Variants in IPCEF1 observed in about 807,000 individuals in gnomAD.
IPCEF1 encodes the protein interactor protein for cytohesin exchange factors 1.
Under a neutral mutation model 50.9 loss-of-function variants are expected in IPCEF1, and 31 were observed. The observed-to-expected ratio is 0.61, with a 90% CI of 0.46 to 0.82. The LOEUF (loss-of-function observed/expected upper bound fraction) is 0.82, where lower values mean the gene tolerates loss of function less well. Ranked by LOEUF, IPCEF1 falls within the 40% of genes least tolerant of loss-of-function variation. The probability of loss-of-function intolerance (pLI) is 0.00; values close to 1 mark genes in which losing one functional copy is unlikely to be tolerated. For synonymous variants in IPCEF1, 181 were observed against 192.0 expected (o/e 0.94, Z 0.47); for missense variants, 458 against 514.0 (o/e 0.89, Z 1.05).
At chr6:154,253,032 T>C (rs982151649) in intron 3 of IPCEF1, among the ~76,000 whole-genome samples, 45 of 152,238 alleles carry the variant, frequency 3.0e-4, no homozygotes, top group Admixed American at 9.8e-4. Context: ...TTCTAACTCA[T>C]TGATCATCCA....
In IPCEF1 at chr6:154,247,460, C is replaced by T. The variant is rs1781151457; in HGVS notation, c.65G>A (p.Arg22Lys). ...LQVPLRQKPR[R>K]KTQGFLTMSR... ...AGAGATCTAATTACCTTGAGTTTTC[C>T]TCCTGGGCTTCTGACGCAAGGGAAC... Residue 22 changes from arginine (R) to lysine (K), a missense_variant, in exon 4 of 12, where the codon AGG (arginine) becomes AAG (lysine). By Grantham distance (26) the Arg-to-Lys change is conservative (BLOSUM62 2). Transcript: ENST00000367220. 4 of 1,612,318 alleles carry T rather than the reference C, an allele frequency of 2.5e-6. No homozygotes were observed. In the South Asian group the frequency reaches 3.3e-5, roughly 13 times the overall value.
chr6:154,332,350 T>C (rs144393681), intron 1 of IPCEF1, among the ~76,000 whole-genome samples: 4 of 151,460 alleles, frequency 2.6e-5, no homozygotes, highest in African/African-American at 9.7e-5. Context: ...CCCAGGCTGG[T>C]CTCAAAGTCT....
intron 7 of IPCEF1, 133 bp from the exon 8 acceptor site, chr6:154,214,409 T>C: frequency 1.4e-6 from 1 of 731,676 alleles, no homozygotes. Flanking sequence ...AGAGCATAAG[T>C]TTGTGCCATC....
intron 1 of IPCEF1, among the ~76,000 whole-genome samples, chr6:154,321,022 C>T (rs1783359818): frequency 6.6e-6 from 1 of 152,056 alleles, no homozygotes; most frequent in Non-Finnish European, 1.5e-5. Flanking sequence ...CCTTGACCTC[C>T]TGGGCTCAAG....
rs568802759 is a variant in IPCEF1, at chr6:154,280,740, T to C, written c.-18+8973A>G. On this transcript the variant is annotated intron_variant, in intron 2 of 11. Transcript: ENST00000367220. Reference sequence around the variant, plus strand: ...TTGAGGAGGAATCAGGAATTATTTATTGGAATGGGTACAAGAGGGGATTCG... The same window carrying C: ...TTGAGGAGGAATCAGGAATTATTTACTGGAATGGGTACAAGAGGGGATTCG... Among the ~76,000 whole-genome samples, 17 of 152,330 alleles carry C rather than the reference T, an allele frequency of 1.1e-4. No individual in the cohort carries two copies. The South Asian group carries it at 2.3e-3, about 20-fold the overall frequency.
intron 5 of IPCEF1, among the ~76,000 whole-genome samples, chr6:154,232,432 C>A (rs369006668): frequency 6.6e-6 from 1 of 152,090 alleles, no homozygotes; most frequent in African/African-American, 2.4e-5. Flanking sequence ...ATGATCACAG[C>A]CTTAAGAGGA....
intron 5 of IPCEF1, among the ~76,000 whole-genome samples, chr6:154,224,706 G>T (rs1779119592): frequency 6.6e-6 from 1 of 151,778 alleles, no homozygotes; most frequent in African/African-American, 2.4e-5. Flanking sequence ...GTGGGACTCT[G>T]TCTTAAAAAA....
chr6:154,249,274 CT>C (rs1286482478), intron 3 of IPCEF1, among the ~76,000 whole-genome samples: 1 of 152,084 alleles, frequency 6.6e-6, no homozygotes, highest in African/African-American at 2.4e-5. Flanking sequence ...CTCCTGGGAC[CT>C]TTTTTTGATA....
intron 2 of IPCEF1, among the ~76,000 whole-genome samples, chr6:154,280,089 C>T (rs980272817): frequency 2.0e-5 from 3 of 152,210 alleles, no homozygotes; most frequent in Admixed American, 1.3e-4. Flanking sequence ...CCAGTGAAAA[C>T]TCAAAATATT....
intron 1 of IPCEF1, among the ~76,000 whole-genome samples, chr6:154,319,812 T>G (rs1783326671): frequency 6.6e-6 from 1 of 152,218 alleles, no homozygotes; most frequent in African/African-American, 2.4e-5. Context: ...TGTTCCACGC[T>G]CCCAATACAC....
At chr6:154,330,325 C>CTTT (rs138406253) in intron 1 of IPCEF1, among the ~76,000 whole-genome samples, 24 of 89,264 alleles carry the variant, frequency 2.7e-4, no homozygotes, top group African/African-American at 8.8e-4. Context: ...ATTATAGCCT[C>CTTT]TTTTTTTTTT....
intron 10 of IPCEF1, among the ~76,000 whole-genome samples, chr6:154,186,692 G>T (rs1339963500): frequency 6.6e-6 from 1 of 152,076 alleles, no homozygotes; most frequent in Non-Finnish European, 1.5e-5. Flanking sequence ...GAGTAGCTGG[G>T]ACTACAGGCG....
rs533585778 is a variant in IPCEF1, at chr6:154,226,571, T to C, written c.247-3328A>G. On this transcript the variant is annotated intron_variant, in intron 5 of 11. Transcript: ENST00000367220. The stretch of plus-strand genomic sequence containing the variant: ...TCAGGTCTTCAATCCACCCATTACC[T>C]ACTGCCTCCTTCAACTTACCTTTAA... Among the ~76,000 whole-genome samples the C allele has an allele frequency of 1.7e-3, 258 of 152,280 alleles. 2 individuals carry two copies. The highest frequency in any genetic ancestry group is 5.8e-3 in the African/African-American group (241 of 41,552).
At chr6:154,179,388 C>G (rs1402715883) in intron 10 of IPCEF1, among the ~76,000 whole-genome samples, 1 of 152,134 alleles carries the variant, frequency 6.6e-6, no homozygotes, top group Non-Finnish European at 1.5e-5. Context: ...GTAGAAAACA[C>G]TACATTATTT....
chr6:154,206,695 C>T (rs989482907), intron 9 of IPCEF1, among the ~76,000 whole-genome samples: 2 of 152,164 alleles, frequency 1.3e-5, no homozygotes, highest in Non-Finnish European at 2.9e-5. Flanking sequence ...TAGAGATGTT[C>T]TCATGAAGGA....
At chr6:154,353,101 T>TCTGC (rs748065106) in intron 1 of IPCEF1, among the ~76,000 whole-genome samples, 12 of 152,118 alleles carry the variant, frequency 7.9e-5, no homozygotes, top group Non-Finnish European at 1.5e-4. Context: ...GACACATGAT[T>TCTGC]CTGCACCAGC....
Position 154,246,697 on chromosome 6 carries a change from C to G in IPCEF1, c.140G>C (p.Gly47Ala), listed in dbSNP as rs373281207. The change falls in exon 5 of 12, where the codon GGG becomes GCG. Residue 47 changes from glycine to alanine, a missense_variant. Physicochemically the swap from Gly to Ala is moderately conservative, Grantham distance 60. Coordinates refer to ENST00000367220, the MANE Select transcript of IPCEF1 (RefSeq NM_001130700.2). ...CTTTTCCTTTTTCTTATACAGCCAC[C>G]CTTGGCAGTCAGCATGGCCCAGATC... Reference protein sequence around the residue: ...CKDLGHADCQGWLYKKKEKGS... With the variant: ...CKDLGHADCQAWLYKKKEKGS... 15 of 1,613,894 alleles carry G rather than the reference C, an allele frequency of 9.3e-6. No individual in the cohort carries two copies. Among genetic ancestry groups the G allele is most frequent in the Non-Finnish European group, 2.5e-6 (3 of 1,179,984 alleles).
intron 9 of IPCEF1, among the ~76,000 whole-genome samples, chr6:154,207,190 G>A (rs1202431172): frequency 1.3e-5 from 2 of 152,228 alleles, no homozygotes; most frequent in Non-Finnish European, 1.5e-5. Context: ...GAGAGCCACC[G>A]GGCTGCGTGA....
At chr6:154,272,492 TACA>T (rs1393470770) in intron 2 of IPCEF1, among the ~76,000 whole-genome samples, 1 of 152,230 alleles carries the variant, frequency 6.6e-6, no homozygotes, top group Non-Finnish European at 1.5e-5. Context: ...CTTAACAAAC[TACA>T]ACATGAAACA....
Sources: allele counts gnomAD v4.1 joint callset (sites outside exome capture counted in the v4.1 genomes callset), GRCh38; gene constraint gnomAD v4.1.1; transcripts MANE v1.5; gene names NCBI Gene and HGNC (gene_info 2026-07-23, HGNC 2026-07-21).